The following NID1 variants were observed in gnomAD, a reference collection of about 807,000 sequenced individuals.
NID1 encodes the protein nidogen-1.
NID1 carries 76 observed loss-of-function variants against 130.6 expected under a neutral mutation model. That is an observed-to-expected ratio of 0.58 (90% confidence interval 0.48 to 0.70). NID1 has a LOEUF of 0.70. Ranked by LOEUF, NID1 falls within the 30% of genes least tolerant of loss-of-function variation. NID1 has a pLI of 0.00. For synonymous variants in NID1, 665 were observed against 675.1 expected, an observed-to-expected ratio of 0.98 and a Z score of 0.23; for missense variants, 1,517 against 1,664.8, an observed-to-expected ratio of 0.91 and a Z score of 1.54.
At chr1:236,059,770 C>T (rs530957100) in intron 1 of NID1, among the ~76,000 whole-genome samples, 55 of 152,244 alleles carry the variant, frequency 3.6e-4, no homozygotes, top group African/African-American at 1.2e-3. Context: ...CAGGGCAAGT[C>T]CATAAAGTGA....
At chr1:236,050,990 G>A (rs1437840248) in intron 1 of NID1, among the ~76,000 whole-genome samples, 1 of 152,124 alleles carries the variant, frequency 6.6e-6, no homozygotes. Flanking sequence ...GACTGAGGCA[G>A]GAGAATTGCT....
intron 3 of NID1, among the ~76,000 whole-genome samples, chr1:236,043,948 A>C (rs550443569): frequency 2.9e-4 from 44 of 152,366 alleles, no homozygotes; most frequent in Non-Finnish European, 5.0e-4. Flanking sequence ...TATAAAATAT[A>C]GTAGAATATC....
intron 1 of NID1, among the ~76,000 whole-genome samples, chr1:236,061,393 C>T (rs923558341): frequency 6.6e-6 from 1 of 152,186 alleles, no homozygotes; most frequent in Non-Finnish European, 1.5e-5. Context: ...AAGCAATAAC[C>T]AGACATCACT....
At chr1:235,978,435 G>A (rs4660136) in intron 19 of NID1, among the ~76,000 whole-genome samples, 78,464 of 152,008 alleles carry the variant, frequency 0.52, 21,683 homozygotes, top group Non-Finnish European at 0.6. Flanking sequence ...CCAGGGCCAG[G>A]CTGCCTGGAC....
At chr1:235,995,765 G>A (rs981592711) in intron 12 of NID1, among the ~76,000 whole-genome samples, 2 of 152,190 alleles carry the variant, frequency 1.3e-5, no homozygotes, top group African/African-American at 4.8e-5. Context: ...GAGCTCTCAG[G>A]GTGATCTGGG....
At chr1:236,025,086 G>A (rs1658883006) in intron 8 of NID1, among the ~76,000 whole-genome samples, 1 of 151,384 alleles carries the variant, frequency 6.6e-6, no homozygotes, top group Non-Finnish European at 1.5e-5. Context: ...CGAGTAGCTG[G>A]GATTACAGCC....
In NID1 at chr1:235,993,993, GGTTTT is replaced by G. The variant is rs1657845570; in HGVS notation, c.2528-126_2528-122del. 3.9e-6 allele frequency: 3 copies of G among 778,498 alleles called. No individual in the cohort carries two copies. In the South Asian group the frequency reaches 5.5e-5, roughly 14 times the overall value. 48.2% of individuals were successfully genotyped at this position (778,498 alleles called of 1,614,324 possible). On this transcript the variant is annotated intron_variant, in intron 12 of 19. Coordinates refer to ENST00000264187, the MANE Select transcript of NID1 (RefSeq NM_002508.3). ...CACGAGGGCTGCCTGTGTGTCACTGGGTTTTGTTTCATCAGTTATTCAAAATGCAG... is the reference window on the plus strand; with the variant it reads ...CACGAGGGCTGCCTGTGTGTCACTGGGTTTCATCAGTTATTCAAAATGCAG...
intron 4 of NID1, among the ~76,000 whole-genome samples, chr1:236,041,064 T>C (rs536919045): frequency 1.8e-4 from 28 of 152,248 alleles, no homozygotes; most frequent in African/African-American, 6.5e-4. Context: ...GAAAATGTAC[T>C]GTAAAACTTT....
intron 3 of NID1, 68 bp downstream of exon 3, chr1:236,045,387 AAT>A (rs1659571410): frequency 5.4e-6 from 6 of 1,119,740 alleles, no homozygotes; most frequent in Non-Finnish European, 5.4e-6. Flanking sequence ...AATGATCTAT[AAT>A]ACACATTACA....
intron 12 of NID1, among the ~76,000 whole-genome samples, chr1:235,999,242 T>C (rs1165284362): frequency 6.6e-6 from 1 of 152,278 alleles, no homozygotes; most frequent in African/African-American, 2.4e-5. Context: ...GTAAGCGTTG[T>C]TCCATTTTAT....
chr1:236,055,754 G>A (rs78906002), intron 1 of NID1, among the ~76,000 whole-genome samples: 5,105 of 152,152 alleles, frequency 0.034, 131 homozygotes, highest in Non-Finnish European at 0.055. Context: ...CAAGACTAAC[G>A]TTCTCTGTCA....
At chr1:235,987,225 G>A (rs907526133) in intron 14 of NID1, among the ~76,000 whole-genome samples, 2 of 152,120 alleles carry the variant, frequency 1.3e-5, no homozygotes, top group Admixed American at 6.5e-5. Context: ...TATGTATGAC[G>A]AACTATGGTG....
chr1:236,057,886 G>T (rs1659940437), intron 1 of NID1, among the ~76,000 whole-genome samples: 1 of 151,916 alleles, frequency 6.6e-6, no homozygotes, highest in African/African-American at 2.4e-5. Context: ...TCCCAACCAG[G>T]GTTTATCACA....
intron 12 of NID1, among the ~76,000 whole-genome samples, chr1:236,006,021 T>C (rs1250608405): frequency 6.6e-6 from 1 of 152,182 alleles, no homozygotes; most frequent in African/African-American, 2.4e-5. Context: ...AGAGCTCCTG[T>C]CTCCTTGTCA....
intron 9 of NID1, among the ~76,000 whole-genome samples, chr1:236,022,264 C>T (rs957785644): frequency 6.6e-6 from 1 of 151,540 alleles, no homozygotes; most frequent in Non-Finnish European, 1.5e-5. Context: ...GAGACCCTGT[C>T]TCAAAAACAA....
chr1:235,989,294 C>T lies in NID1; in HGVS notation c.2928+1592G>A, dbSNP rs116696005. 5.0e-3 allele frequency among the ~76,000 whole-genome samples: 761 copies of T among 152,148 alleles called. 9 individuals carry two copies. The highest frequency in any genetic ancestry group is 0.018 in the African/African-American group (744 of 41,490). On this transcript the variant is annotated intron_variant, in intron 14 of 19. Transcript: ENST00000264187. ...CTGTAAATTATCTGCTTTTTATTGC[C>T]TCACATGACATTTAGCCTCTCCCCT...
intron 14 of NID1, among the ~76,000 whole-genome samples, chr1:235,988,036 G>A (rs1262671939): frequency 1.3e-5 from 2 of 152,014 alleles, no homozygotes; most frequent in Admixed American, 1.3e-4. Flanking sequence ...GAAAAAAAAA[G>A]GTAAATTGGA....
chr1:235,990,370 G>A (rs1462362003), intron 14 of NID1, among the ~76,000 whole-genome samples: 1 of 152,160 alleles, frequency 6.6e-6, no homozygotes, highest in Admixed American at 6.5e-5. Flanking sequence ...AAGAGCCAAT[G>A]ATCTCAGACC....
chr1:236,043,733 G>A (rs1395342930), intron 3 of NID1, among the ~76,000 whole-genome samples: 1 of 152,148 alleles, frequency 6.6e-6, no homozygotes, highest in East Asian at 1.9e-4. Context: ...GGGAGGCAGA[G>A]CTTGCAGTGA....
Sources: gnomAD v4.1 joint callset for allele counts (sites outside exome capture counted in the v4.1 genomes callset) on GRCh38, gnomAD v4.1.1 for gene constraint, MANE v1.5 for transcripts, NCBI Gene and HGNC (gene_info 2026-07-23, HGNC 2026-07-21) for gene names.